Variants in VEGFC observed in about 807,000 individuals in gnomAD.
VEGFC encodes the protein vascular endothelial growth factor C, also known as FLT4 ligand DHM.
VEGFC carries 12 observed loss-of-function variants against 46.1 expected under a neutral mutation model. That is an observed-to-expected ratio of 0.26 (90% CI 0.17 to 0.42). The LOEUF (loss-of-function observed/expected upper bound fraction) is 0.42, where lower values mean the gene tolerates loss of function less well. VEGFC is among the 10% of genes least tolerant of loss of function. VEGFC has a pLI of 1.00. For missense variants in VEGFC, 488 were observed against 529.4 expected (o/e 0.92, Z 0.77); for synonymous variants, 232 against 195.5 (o/e 1.19, Z -1.56).
chr4:176,743,297 A>C (rs1735206590), intron 1 of VEGFC, among the ~76,000 whole-genome samples: 4 of 152,048 alleles, frequency 2.6e-5, no homozygotes, highest in Admixed American at 2.6e-4. Context: ...AAAATGCTAA[A>C]AATATTTGGG....
chr4:176,762,811 G>A (rs1235541793), intron 1 of VEGFC, among the ~76,000 whole-genome samples: 1 of 152,188 alleles, frequency 6.6e-6, no homozygotes, highest in African/African-American at 2.4e-5. Context: ...TGGAACAGTT[G>A]CTCCAGCTGG....
At chr4:176,789,856 T>G (rs904809461) in intron 1 of VEGFC, among the ~76,000 whole-genome samples, 2 of 152,218 alleles carry the variant, frequency 1.3e-5, no homozygotes, top group Non-Finnish European at 2.9e-5. Flanking sequence ...GTTCATAGTT[T>G]GTGTGCTATT....
Position 176,687,398 on chromosome 4 carries a change from T to C in VEGFC, c.934A>G (p.Arg312Gly). ...TTACAGACACACTGGCATGAGTTTC[T>C]GTCTAGTTCTTTGTGGGGTCCACAG... ...ASCGPHKELD[R>G]NSCQCVCKNK... Residue 312 changes from arginine to glycine, a missense_variant, in exon 6 of 7, where the codon AGA becomes GGA. Arg to Gly is a moderately radical substitution (Grantham distance 125, BLOSUM62 -2). Transcript: ENST00000618562. The C allele has an allele frequency of 1.2e-6, 2 of 1,614,212 alleles. No individual in the cohort carries two copies.
chr4:176,790,395 G>C (rs1196668987), intron 1 of VEGFC, among the ~76,000 whole-genome samples: 1 of 152,178 alleles, frequency 6.6e-6, no homozygotes, highest in African/African-American at 2.4e-5. Flanking sequence ...AAAATGCATA[G>C]TGATTTTCAC....
At chr4:176,722,820 C>T (rs1734811978) in intron 3 of VEGFC, among the ~76,000 whole-genome samples, 1 of 151,994 alleles carries the variant, frequency 6.6e-6, no homozygotes, top group Non-Finnish European at 1.5e-5. Context: ...ATTTCTAAAG[C>T]CTAAACCTCT....
chr4:176,741,210 C>A (rs547738086), intron 1 of VEGFC, among the ~76,000 whole-genome samples: 1 of 151,980 alleles, frequency 6.6e-6, no homozygotes, highest in Non-Finnish European at 1.5e-5. Context: ...CATTTAAATC[C>A]TAACATTGCA....
chr4:176,734,180 G>A (rs1356440211), intron 1 of VEGFC, among the ~76,000 whole-genome samples: 1 of 151,688 alleles, frequency 6.6e-6, no homozygotes, highest in Admixed American at 6.6e-5. Context: ...TTATAAGACA[G>A]TGAGTATAAT....
chr4:176,687,001 C>CT, intron 6 of VEGFC, among the ~76,000 whole-genome samples, 186 bp downstream of exon 6: 1 of 152,170 alleles, frequency 6.6e-6, no homozygotes, highest in South Asian at 2.1e-4. Context: ...TCCTGTCTTG[C>CT]TTTTTTGGAA....
intron 4 of VEGFC, among the ~76,000 whole-genome samples, chr4:176,707,558 A>G (rs964212582): frequency 6.6e-6 from 1 of 152,200 alleles, no homozygotes; most frequent in Non-Finnish European, 1.5e-5. Flanking sequence ...TAAGGCAAAT[A>G]TTCATAAAGG....
At chr4:176,780,397 A>AAAAAACAAAAAAAAAC (rs1735895825) in intron 1 of VEGFC, among the ~76,000 whole-genome samples, 2 of 146,314 alleles carry the variant, frequency 1.4e-5, no homozygotes, top group Non-Finnish European at 3.0e-5. Context: ...AAAAAAAAAA[A>AAAAAACAAAAAAAAAC]AACTCCTTCT....
At chr4:176,719,262 A>C (rs1734742437) in intron 3 of VEGFC, among the ~76,000 whole-genome samples, 2 of 152,112 alleles carry the variant, frequency 1.3e-5, no homozygotes, top group African/African-American at 4.8e-5. Flanking sequence ...TGGCTTTGCT[A>C]CAAAATGTGC....
intron 1 of VEGFC, among the ~76,000 whole-genome samples, chr4:176,791,573 CTTGA>C (rs138143037): frequency 0.69 from 102,947 of 150,036 alleles, 40,354 homozygotes; most frequent in East Asian, 0.99. Context: ...CCTTGCATTG[CTTGA>C]TTGTGATCTA....
chr4:176,739,846 G>T (rs1735125722), intron 1 of VEGFC, among the ~76,000 whole-genome samples: 2 of 150,762 alleles, frequency 1.3e-5, no homozygotes, highest in African/African-American at 2.4e-5. Flanking sequence ...AGAGAGGAAG[G>T]TTTTGAGATC....
At chr4:176,787,785 C>T (rs1019908731) in intron 1 of VEGFC, among the ~76,000 whole-genome samples, 5 of 152,078 alleles carry the variant, frequency 3.3e-5, no homozygotes, top group African/African-American at 7.2e-5. Context: ...TTACACAAAC[C>T]TAAAATATTT....
chr4:176,745,280 A>C (rs1735242076), intron 1 of VEGFC, among the ~76,000 whole-genome samples: 1 of 152,116 alleles, frequency 6.6e-6, no homozygotes, highest in Non-Finnish European at 1.5e-5. Context: ...AAATGCATAT[A>C]TGTAATTTCT....
In VEGFC at chr4:176,783,859, GTAA is replaced by G. The variant is rs1484657446; in HGVS notation, c.147+8303_147+8305del. 4.4e-4 allele frequency among the ~76,000 whole-genome samples: 28 copies of G among 63,012 alleles called. No individual in the cohort carries two copies. The East Asian group carries it at 0.051, about 114-fold the overall frequency. The allele number at this position is 63,012 out of a possible 152,430, so 41.3% of individuals were successfully genotyped here. On this transcript the variant is annotated intron_variant, in intron 1 of 6. Coordinates refer to ENST00000618562, the MANE Select transcript of VEGFC (RefSeq NM_005429.5). ...ATTTTAGAAATTGGGAAAATTGTCA[GTAA>G]TTTATAATTTTAAAAATTTAATAAA... is the stretch of plus-strand genomic sequence containing the variant.
At chr4:176,721,363 C>T (rs1455958928) in intron 3 of VEGFC, among the ~76,000 whole-genome samples, 2 of 152,120 alleles carry the variant, frequency 1.3e-5, no homozygotes, top group African/African-American at 4.8e-5. Context: ...TGAATGCTGG[C>T]TCCATCCCAA....
intron 1 of VEGFC, among the ~76,000 whole-genome samples, chr4:176,740,030 C>CGAATATATATAACTATTCGATATATA (rs1735132381): frequency 1.9e-4 from 3 of 15,982 alleles, no homozygotes; most frequent in Admixed American, 1.0e-3. Flanking sequence ...TTCGATATAT[C>CGAATATATATAACTATTCGATATATA]GAATATATAT....
At chr4:176,710,872 CA>C (rs895525669) in intron 4 of VEGFC, among the ~76,000 whole-genome samples, 3 of 151,566 alleles carry the variant, frequency 2.0e-5, no homozygotes, top group Non-Finnish European at 2.9e-5. Flanking sequence ...TTTGCCCCTC[CA>C]AAAAAATAGG....
Sources: allele counts gnomAD v4.1 joint callset (sites outside exome capture counted in the v4.1 genomes callset), GRCh38; gene constraint gnomAD v4.1.1; transcripts MANE v1.5; gene names NCBI Gene and HGNC (gene_info 2026-07-23, HGNC 2026-07-21).